The following INPP5A variants were observed in gnomAD, a reference collection of about 807,000 sequenced individuals.
The protein encoded by INPP5A is 43 kDa inositol polyphosphate 5-phophatase.
Under a neutral mutation model 65.2 loss-of-function variants are expected in INPP5A, and 14 were observed. The ratio of observed to expected loss-of-function variants is 0.21; its 90% CI spans 0.14 to 0.34. INPP5A has a LOEUF of 0.34. Among genes scored for constraint, INPP5A ranks in the 10% least tolerant of loss-of-function variants. The pLI is 1.00. For synonymous variants in INPP5A, 207 were observed against 208.3 expected, an observed-to-expected ratio of 0.99 and a Z score of 0.05; for missense variants, 431 against 545.6, an observed-to-expected ratio of 0.79 and a Z score of 2.09.
intron 2 of INPP5A, among the ~76,000 whole-genome samples, chr10:132,626,764 C>T (rs1193790380): frequency 3.3e-5 from 5 of 152,198 alleles, no homozygotes; most frequent in Admixed American, 2.0e-4. Context: ...GTGGACAGCC[C>T]GAGCTCACAG....
intron 1 of INPP5A, among the ~76,000 whole-genome samples, chr10:132,581,061 T>G (rs2071477228): frequency 6.6e-6 from 1 of 152,114 alleles, no homozygotes; most frequent in South Asian, 2.1e-4. Flanking sequence ...GGGAGGTGGC[T>G]CTTGTGGGTT....
chr10:132,625,099 C>T lies in INPP5A; in HGVS notation c.117+17143C>T, dbSNP rs2072164926. Reference sequence around the variant, plus strand: ...CTGAGCCTTGGAGGCCCCGCCCCTTCCCTCTCTCCCTCCCCCCTCCCCCTC... The same window carrying T: ...CTGAGCCTTGGAGGCCCCGCCCCTTTCCTCTCTCCCTCCCCCCTCCCCCTC... On this transcript the variant is annotated intron_variant, in intron 2 of 15. Coordinates refer to ENST00000368594, the MANE Select transcript of INPP5A (RefSeq NM_005539.5). Among the ~76,000 whole-genome samples the T allele has an allele frequency of 2.4e-5, 3 of 126,748 alleles. No homozygotes were observed. In the South Asian group the frequency reaches 1.0e-3, roughly 42 times the overall value. The allele number at this position is 126,748 out of a possible 152,430, so 83.2% of individuals were successfully genotyped here.
chr10:132,764,377 C>T (rs1351253593), intron 11 of INPP5A, among the ~76,000 whole-genome samples: 1 of 152,092 alleles, frequency 6.6e-6, no homozygotes, highest in Non-Finnish European at 1.5e-5. Flanking sequence ...GCCAGTCCTG[C>T]AGGGTTGAGA....
rs2072939581 is a variant in INPP5A, at chr10:132,674,652, A to G, written c.307-15740A>G. ...TCAGGACTTAATCAAGCCCAATCAC[A>G]TACATGCCACTTCCATTTGATGATG... On this transcript the variant is annotated intron_variant, in intron 4 of 15. Transcript: ENST00000368594. This position sits in a 1 kb window ranked among gnomAD's most constrained non-coding sequence, Gnocchi z 4.4. 6.6e-6 allele frequency among the ~76,000 whole-genome samples: 1 copy of G among 152,172 alleles called. No homozygotes were observed. The highest frequency in any genetic ancestry group is 2.1e-4 in the South Asian group (1 of 4,832).
In INPP5A at chr10:132,698,143, G is replaced by A. The variant is rs1314536418; in HGVS notation, c.474+224G>A. ...GGCATTAGCACCAAGTAATCAGTAA[G>A]TTCCTGAATCCTCATATCCAGGAGA... On this transcript the variant is annotated intron_variant, in intron 6 of 15. Coordinates refer to ENST00000368594, the MANE Select transcript of INPP5A (RefSeq NM_005539.5). This position sits in a 1 kb window ranked among gnomAD's most constrained non-coding sequence, Gnocchi z 5.5. 6.6e-6 allele frequency among the ~76,000 whole-genome samples: 1 copy of A among 152,224 alleles called. No individual in the cohort carries two copies. Among genetic ancestry groups the A allele is most frequent in the African/African-American group, 2.4e-5 (1 of 41,452 alleles).
intron 7 of INPP5A, among the ~76,000 whole-genome samples, chr10:132,708,947 T>A (rs867399139): frequency 6.6e-6 from 1 of 152,178 alleles, no homozygotes; most frequent in African/African-American, 2.4e-5. Flanking sequence ...ACATCTCATT[T>A]GAATACTGTT....
intron 4 of INPP5A, among the ~76,000 whole-genome samples, chr10:132,658,565 C>T (rs1026691994): frequency 3.9e-5 from 6 of 152,198 alleles, no homozygotes; most frequent in Non-Finnish European, 8.8e-5. Flanking sequence ...CGGGTGTTTC[C>T]TGGCTGCAGG....
At chr10:132,768,128 T>C (rs59036021) in intron 12 of INPP5A, among the ~76,000 whole-genome samples, 37 of 120,776 alleles carry the variant, frequency 3.1e-4, no homozygotes, top group African/African-American at 6.1e-4. Flanking sequence ...GGTGCCCACG[T>C]GCCCATTGGC....
At chr10:132,565,727 G>C (rs563938400) in intron 1 of INPP5A, among the ~76,000 whole-genome samples, 1,771 of 152,080 alleles carry the variant, frequency 0.012, 27 homozygotes, top group East Asian at 0.062. Context: ...GTTTGTGTGT[G>C]TGTGTGTGTG....
chr10:132,585,241 T>G (rs952559578), intron 1 of INPP5A, among the ~76,000 whole-genome samples: 7 of 152,236 alleles, frequency 4.6e-5, no homozygotes, highest in Admixed American at 2.0e-4. Flanking sequence ...AATATGTTCT[T>G]AAAAATGAAA....
At chr10:132,756,313 G>T (rs2134655577) in intron 11 of INPP5A, among the ~76,000 whole-genome samples, 1 of 152,274 alleles carries the variant, frequency 6.6e-6, no homozygotes, top group African/African-American at 2.4e-5. Flanking sequence ...TGGTGTATGT[G>T]TGTATGCATG....
At chr10:132,597,147 ATGTG>A (rs756043693) in intron 1 of INPP5A, among the ~76,000 whole-genome samples, 64 of 151,044 alleles carry the variant, frequency 4.2e-4, no homozygotes, top group Non-Finnish European at 8.0e-4. Flanking sequence ...GTGTGCATGC[ATGTG>A]TGTGAGTGTG....
In INPP5A at chr10:132,560,450, T is replaced by C. The variant is rs550875000; in HGVS notation, c.75+22279T>C. On this transcript the variant is annotated intron_variant, in intron 1 of 15. Coordinates refer to ENST00000368594, the MANE Select transcript of INPP5A (RefSeq NM_005539.5). ...ACTCGTGATTGTCCATCTTTTTTAC[T>C]GTAACCGTCCTGGTGGGTGTGCAGT... 3.9e-5 allele frequency among the ~76,000 whole-genome samples: 6 copies of C among 152,350 alleles called. No individual in the cohort carries two copies. The East Asian group carries it at 1.2e-3, about 29-fold the overall frequency.
rs1348988356 is a variant in INPP5A, at chr10:132,637,350, T to C, written c.118-8518T>C. Among the ~76,000 whole-genome samples, 1 of 152,236 alleles carries C rather than the reference T, an allele frequency of 6.6e-6. No homozygotes were observed. The highest frequency in any genetic ancestry group is 2.4e-5 in the African/African-American group (1 of 41,460). ...CAGTGTATAAGTGCGGGTCTTTTTCTGTTTTGAAGTTTTCCTGGGTTATAG... is the reference window on the plus strand; with the variant it reads ...CAGTGTATAAGTGCGGGTCTTTTTCCGTTTTGAAGTTTTCCTGGGTTATAG... On this transcript the variant is annotated intron_variant, in intron 2 of 15. Transcript: ENST00000368594. This position sits in a 1 kb window ranked among gnomAD's most constrained non-coding sequence, Gnocchi z 4.1.
At chr10:132,781,839 C>T in intron 14 of INPP5A, 22 bp from the exon 15 acceptor site, 3 of 1,608,286 alleles carry the variant, frequency 1.9e-6, no homozygotes, top group Non-Finnish European at 2.6e-6. Flanking sequence ...CGTGCTGACA[C>T]CGTCCTCTCT....
intron 1 of INPP5A, among the ~76,000 whole-genome samples, chr10:132,604,037 G>A (rs1380300278): frequency 1.9e-4 from 26 of 140,028 alleles, no homozygotes; most frequent in African/African-American, 2.7e-4. Flanking sequence ...GCCCTGTGCC[G>A]TCAGGGTCCC....
rs568734675 is a variant in INPP5A at position 132,547,627 on chromosome 10, G to A, written c.75+9456G>A. Among the ~76,000 whole-genome samples the A allele has an allele frequency of 5.1e-4, 78 of 152,288 alleles. No individual in the cohort carries two copies. Among genetic ancestry groups the A allele is most frequent in the South Asian group, 1.0e-3 (5 of 4,826 alleles). ...CCTCCTTCTCTACCCAAGCGCCCGT[G>A]GCCTGAACAGGACTTGGTTTTTCAG... On this transcript the variant is annotated intron_variant, in intron 1 of 15. Transcript: ENST00000368594. This position sits in a 1 kb window ranked among gnomAD's most constrained non-coding sequence, Gnocchi z 5.5.
Position 132,706,676 on chromosome 10 carries a change from A to T in INPP5A, c.475-1637A>T, listed in dbSNP as rs146701127. On this transcript the variant is annotated intron_variant, in intron 6 of 15. Transcript: ENST00000368594. The surrounding 1 kb of genome is among the most constrained non-coding windows in gnomAD (Gnocchi z 4.7). ...GGGAGCACTTAGGGAGGGGGCAGGG[A>T]GCACTTGTGGTGGGGGCAGGCAAAG... Among the ~76,000 whole-genome samples the T allele has an allele frequency of 1.8e-4, 27 of 152,090 alleles. No homozygotes were observed. Among genetic ancestry groups the T allele is most frequent in the Non-Finnish European group, 3.8e-4 (26 of 67,972 alleles).
intron 1 of INPP5A, among the ~76,000 whole-genome samples, chr10:132,584,390 A>C (rs2071522629): frequency 6.6e-6 from 1 of 152,212 alleles, no homozygotes; most frequent in Non-Finnish European, 1.5e-5. Flanking sequence ...AAGGTTTTTG[A>C]TATGACTCAA....
Sources: gnomAD v4.1 joint callset for allele counts (sites outside exome capture counted in the v4.1 genomes callset) on GRCh38, gnomAD v4.1.1 for gene constraint, Gnocchi (gnomAD v3.1) non-coding constraint, MANE v1.5 for transcripts, NCBI Gene and HGNC (gene_info 2026-07-23, HGNC 2026-07-21) for gene names.